GRIA2: variants seen among roughly 807,000 people sequenced by gnomAD.
GRIA2 encodes the protein glutamate receptor 2.
GRIA2 carries 14 observed loss-of-function variants against 97.3 expected under a neutral mutation model. The observed-to-expected ratio is 0.14, with a 90% confidence interval of 0.10 to 0.23. The LOEUF (loss-of-function observed/expected upper bound fraction) is 0.23. Among genes scored for constraint, GRIA2 ranks in the 10% least tolerant of loss-of-function variants. The pLI is 1.00. For missense variants in GRIA2, 558 were observed against 1,069.8 expected (o/e 0.52, Z 6.67); for synonymous variants, 412 against 387.8 (o/e 1.06, Z -0.73).
chr4:157,335,964 C>T (rs1735266075), intron 10 of GRIA2, 87 bp downstream of exon 10: 4 of 855,984 alleles, frequency 4.7e-6, no homozygotes, highest in Non-Finnish European at 7.8e-6. Context: ...GTATCTATAT[C>T]TGAGGTTGTT....
intron 11 of GRIA2, 25 bp downstream of exon 11, chr4:157,336,772 T>C (rs1423785679): frequency 2.5e-6 from 4 of 1,594,024 alleles, no homozygotes; most frequent in South Asian, 2.3e-5. Flanking sequence ...TGCTTCAACT[T>C]TGTGCATTTC....
At chr4:157,276,176 G>T (rs1732302991) in intron 2 of GRIA2, among the ~76,000 whole-genome samples, 1 of 151,858 alleles carries the variant, frequency 6.6e-6, no homozygotes, top group South Asian at 2.1e-4. Flanking sequence ...GTCTGTTATT[G>T]GTGTATAAGA....
At chr4:157,302,742 TATA>T (rs1446640933) in intron 2 of GRIA2, among the ~76,000 whole-genome samples, 2 of 152,248 alleles carry the variant, frequency 1.3e-5, no homozygotes, top group Admixed American at 6.5e-5. Context: ...ATCGAGGTAT[TATA>T]ATGAGCACAT....
At chr4:157,307,571 T>A (rs1361566652) in intron 3 of GRIA2, among the ~76,000 whole-genome samples, 2 of 152,216 alleles carry the variant, frequency 1.3e-5, no homozygotes, top group Admixed American at 6.5e-5. Context: ...TCAACACATT[T>A]TTAACAATAG....
intron 3 of GRIA2, among the ~76,000 whole-genome samples, chr4:157,309,437 C>T (rs1016164620): frequency 3.6e-4 from 54 of 151,142 alleles, no homozygotes; most frequent in African/African-American, 1.2e-3. Context: ...CTGCAATCAC[C>T]ACCTCCCAGC....
chr4:157,227,194 G>T (rs1430015519), intron 2 of GRIA2, among the ~76,000 whole-genome samples: 3 of 152,120 alleles, frequency 2.0e-5, no homozygotes, highest in Non-Finnish European at 4.4e-5. Flanking sequence ...ACTTCAACCT[G>T]CTGGCTCAAG....
chr4:157,314,892 A>C lies in GRIA2; in HGVS notation c.666+2017A>C, dbSNP rs553561651. On this transcript the variant is annotated intron_variant, in intron 4 of 15. Transcript: ENST00000264426. ...TGCCTGAAATGAGGGATGCAAAGAA[A>C]GGTAAGAAAGAGTGATGTCTGCATC... Among the ~76,000 whole-genome samples, 78 of 152,318 alleles carry C rather than the reference A, an allele frequency of 5.1e-4. No individual in the cohort carries two copies. In the South Asian group the frequency reaches 0.016, roughly 31 times the overall value.
chr4:157,227,432 A>T (rs992842280), intron 2 of GRIA2, among the ~76,000 whole-genome samples: 39 of 152,308 alleles, frequency 2.6e-4, no homozygotes, highest in African/African-American at 9.4e-4. Flanking sequence ...CTATATAATC[A>T]AGTTTTCAGA....
intron 2 of GRIA2, among the ~76,000 whole-genome samples, chr4:157,233,547 A>G (rs1390593572): frequency 6.6e-6 from 1 of 152,258 alleles, no homozygotes; most frequent in East Asian, 1.9e-4. Flanking sequence ...TTTGTGATAC[A>G]GCATGTGTTT....
intron 4 of GRIA2, among the ~76,000 whole-genome samples, chr4:157,313,781 ATG>A (rs1734192016): frequency 6.6e-6 from 1 of 151,870 alleles, no homozygotes; most frequent in African/African-American, 2.4e-5. Flanking sequence ...GTACATATAT[ATG>A]TGCACATATA....
intron 2 of GRIA2, among the ~76,000 whole-genome samples, chr4:157,284,996 G>A (rs980130241): frequency 7.9e-5 from 12 of 151,576 alleles, no homozygotes; most frequent in African/African-American, 2.9e-4. Context: ...ACAGGATTTT[G>A]CCCAGCTGTT....
intron 2 of GRIA2, among the ~76,000 whole-genome samples, chr4:157,301,882 G>A (rs1733630783): frequency 6.6e-6 from 1 of 151,930 alleles, no homozygotes; most frequent in African/African-American, 2.4e-5. Flanking sequence ...TCTATTTAAA[G>A]CCACATATTT....
intron 2 of GRIA2, among the ~76,000 whole-genome samples, chr4:157,239,206 G>A (rs887998058): frequency 6.6e-6 from 1 of 152,060 alleles, no homozygotes; most frequent in African/African-American, 2.4e-5. Context: ...TCCTCCTTAT[G>A]TCCAGAATAG....
intron 2 of GRIA2, among the ~76,000 whole-genome samples, chr4:157,293,142 G>A (rs1368462536): frequency 6.6e-6 from 1 of 152,112 alleles, no homozygotes; most frequent in East Asian, 1.9e-4. Flanking sequence ...GTGATAATTT[G>A]ATAGCATGGA....
intron 2 of GRIA2, among the ~76,000 whole-genome samples, chr4:157,256,058 G>T (rs2126754158): frequency 6.8e-6 from 1 of 147,992 alleles, no homozygotes; most frequent in African/African-American, 2.5e-5. Context: ...CTGTGTATAT[G>T]TGTGTGTAAT....
At chr4:157,312,249 C>T (rs914368578) in intron 3 of GRIA2, among the ~76,000 whole-genome samples, 1 of 152,038 alleles carries the variant, frequency 6.6e-6, no homozygotes, top group Admixed American at 6.6e-5. Context: ...AAAATGTACT[C>T]GTCTTCTTCA....
chr4:157,285,439 C>T (rs995391936), intron 2 of GRIA2, among the ~76,000 whole-genome samples: 1 of 151,370 alleles, frequency 6.6e-6, no homozygotes, highest in African/African-American at 2.4e-5. Flanking sequence ...TTTCTGCTCC[C>T]TGTGTCTTGC....
At chr4:157,230,654 C>T (rs1181882297) in intron 2 of GRIA2, among the ~76,000 whole-genome samples, 2 of 150,108 alleles carry the variant, frequency 1.3e-5, no homozygotes, top group Non-Finnish European at 3.0e-5. Context: ...TTTGTTTAAG[C>T]ATCTCTTTCA....
chr4:157,270,444 G>A lies in GRIA2; in HGVS notation c.230-33108G>A, dbSNP rs146064609. On this transcript the variant is annotated intron_variant, in intron 2 of 15. Coordinates refer to ENST00000264426, the MANE Select transcript of GRIA2 (RefSeq NM_001083619.3). ...GTTGAATAGTTAAAATGTGTCAGAGGTTGAGTCGTATTTTCCTTGATTATT... is the reference window on the plus strand; with the variant it reads ...GTTGAATAGTTAAAATGTGTCAGAGATTGAGTCGTATTTTCCTTGATTATT... Among the ~76,000 whole-genome samples the A allele has an allele frequency of 7.4e-3, 1,125 of 152,166 alleles. 6 individuals are homozygous for A. The highest frequency in any genetic ancestry group is 0.01 in the Non-Finnish European group (697 of 67,996).
Sources: allele counts gnomAD v4.1 joint callset (sites outside exome capture counted in the v4.1 genomes callset), GRCh38; gene constraint gnomAD v4.1.1; transcripts MANE v1.5; gene names NCBI Gene and HGNC (gene_info 2026-07-23, HGNC 2026-07-21).